PDGFC: variants seen among roughly 807,000 people sequenced by gnomAD.
PDGFC encodes platelet derived growth factor C.
A neutral mutation model predicts 35.5 loss-of-function variants in PDGFC; 12 were observed. That is an observed-to-expected ratio of 0.34 (90% CI 0.22 to 0.55). PDGFC has a LOEUF of 0.55. PDGFC is among the 20% of genes least tolerant of loss of function. The probability of loss-of-function intolerance (pLI) is 0.91; values close to 1 mark genes in which losing one functional copy is unlikely to be tolerated. For synonymous variants in PDGFC, 159 were observed against 148.8 expected (o/e 1.07, Z -0.50); for missense variants, 322 against 412.4 (o/e 0.78, Z 1.90).
chr4:156,801,130 A>G (rs539541925), intron 3 of PDGFC, among the ~76,000 whole-genome samples: 3 of 152,070 alleles, frequency 2.0e-5, no homozygotes, highest in Non-Finnish European at 4.4e-5. Flanking sequence ...ATTTCTGATG[A>G]CCAATAGCTC....
intron 3 of PDGFC, among the ~76,000 whole-genome samples, chr4:156,786,604 T>C (rs1163445571): frequency 4.6e-5 from 7 of 152,174 alleles, no homozygotes; most frequent in African/African-American, 1.2e-4. Context: ...AAGGGGACAC[T>C]GTAGGTCACG....
chr4:156,925,813 G>T (rs564522129), intron 1 of PDGFC, among the ~76,000 whole-genome samples: 1 of 151,376 alleles, frequency 6.6e-6, no homozygotes, highest in Non-Finnish European at 1.5e-5. Context: ...CGCTTTGGGA[G>T]GTCGAGGCGG....
At chr4:156,882,085 C>T (rs765776252) in intron 1 of PDGFC, among the ~76,000 whole-genome samples, 31 of 152,066 alleles carry the variant, frequency 2.0e-4, no homozygotes, top group Non-Finnish European at 3.7e-4. Flanking sequence ...CATGCAAACA[C>T]GCAATAAATT....
intron 1 of PDGFC, among the ~76,000 whole-genome samples, chr4:156,966,093 C>T (rs762980354): frequency 2.0e-5 from 3 of 152,136 alleles, no homozygotes; most frequent in Non-Finnish European, 4.4e-5. Context: ...GGAACTAACA[C>T]TGGTGCATAC....
intron 2 of PDGFC, among the ~76,000 whole-genome samples, chr4:156,824,317 T>C (rs372827866): frequency 0.21 from 19,765 of 92,892 alleles, 2,198 homozygotes; most frequent in South Asian, 0.33. Flanking sequence ...TATATATATA[T>C]ATATATATAT....
At chr4:156,849,388 T>C (rs1249668839) in intron 2 of PDGFC, among the ~76,000 whole-genome samples, 1 of 152,132 alleles carries the variant, frequency 6.6e-6, no homozygotes. Flanking sequence ...CTGAAATATT[T>C]ATCTGTAATA....
intron 1 of PDGFC, among the ~76,000 whole-genome samples, chr4:156,878,875 C>G (rs1002298293): frequency 2.0e-5 from 3 of 152,106 alleles, no homozygotes; most frequent in Non-Finnish European, 4.4e-5. Context: ...TGACTTTTAC[C>G]TAGAAGTAAC....
At position 156,933,725 on chromosome 4, in the gene PDGFC, C is replaced by T. The variant is rs888212326; in HGVS notation, c.118+37061G>A. Among the ~76,000 whole-genome samples the T allele has an allele frequency of 3.3e-5, 5 of 152,224 alleles. No homozygotes were observed. In the South Asian group the frequency reaches 6.2e-4, roughly 19 times the overall value. ...GGGACCTAGTGGGAGGTGACTGGAT[C>T]ATAAGAGCATTTTCCCTCATGTTGT... On this transcript the variant is annotated intron_variant, in intron 1 of 5. Transcript: ENST00000502773.
At chr4:156,793,334 C>A (rs568339013) in intron 3 of PDGFC, among the ~76,000 whole-genome samples, 1 of 151,538 alleles carries the variant, frequency 6.6e-6, no homozygotes, top group African/African-American at 2.4e-5. Context: ...CAGAAAGGGA[C>A]GTAAAATGAC....
intron 1 of PDGFC, among the ~76,000 whole-genome samples, chr4:156,963,638 G>A (rs542917845): frequency 6.6e-6 from 1 of 152,084 alleles, no homozygotes; most frequent in African/African-American, 2.4e-5. Flanking sequence ...AACCGTCCAG[G>A]GAGGAGCCTA....
intron 3 of PDGFC, among the ~76,000 whole-genome samples, chr4:156,778,555 A>G (rs1730887860): frequency 6.6e-6 from 1 of 152,144 alleles, no homozygotes; most frequent in Admixed American, 6.5e-5. Context: ...GCTACCTTAA[A>G]TATTTTCTGC....
At chr4:156,921,009 C>T (rs1731263482) in intron 1 of PDGFC, among the ~76,000 whole-genome samples, 1 of 152,132 alleles carries the variant, frequency 6.6e-6, no homozygotes, top group Admixed American at 6.5e-5. Context: ...GAATGAACCT[C>T]TTGAATGCTA....
chr4:156,949,041 G>A (rs1467712002), intron 1 of PDGFC, among the ~76,000 whole-genome samples: 10 of 151,896 alleles, frequency 6.6e-5, no homozygotes, highest in Non-Finnish European at 1.5e-4. Context: ...TAGCGCAGGA[G>A]AGTGGAAGCC....
At chr4:156,878,656 T>TC (rs961302085) in intron 1 of PDGFC, among the ~76,000 whole-genome samples, 31 of 152,274 alleles carry the variant, frequency 2.0e-4, no homozygotes, top group African/African-American at 7.0e-4. Flanking sequence ...TGCAATATAC[T>TC]CCAATGAGAA....
rs149931440 is a variant in PDGFC at position 156,970,811 on chromosome 4, C to G, written c.93G>C (p.Gln31His). Reference sequence around the variant, plus strand: ...CGTTCTGTTCCTTGTTGCTGGAAAACTGGAATTTACTACTCAGGTTGGATT... The same window carrying G: ...CGTTCTGTTCCTTGTTGCTGGAAAAGTGGAATTTACTACTCAGGTTGGATT... Reference protein sequence around the residue: ...QAESNLSSKFQFSSNKEQNGV... With the variant: ...QAESNLSSKFHFSSNKEQNGV... The change falls in exon 1 of 6, where the codon CAG becomes CAC. Residue 31 changes from glutamine to histidine, a missense_variant. Gln to His is a conservative substitution (Grantham distance 24). Coordinates refer to ENST00000502773, the MANE Select transcript of PDGFC (RefSeq NM_016205.3). 3 of 1,611,792 alleles carry G rather than the reference C, an allele frequency of 1.9e-6. No homozygotes were observed. Among genetic ancestry groups the G allele is most frequent in the African/African-American group, 2.7e-5 (2 of 74,860 alleles).
intron 1 of PDGFC, among the ~76,000 whole-genome samples, chr4:156,897,343 AGAGTGTATGT>A (rs1730656673): frequency 1.9e-5 from 2 of 103,296 alleles, no homozygotes; most frequent in African/African-American, 7.0e-5. Flanking sequence ...AGAGTGTGTG[AGAGTGTATGT>A]GTGTGTGTGT....
intron 2 of PDGFC, among the ~76,000 whole-genome samples, chr4:156,836,548 A>C (rs889743169): frequency 6.6e-6 from 1 of 152,160 alleles, no homozygotes; most frequent in Non-Finnish European, 1.5e-5. Context: ...TCAAAGAATC[A>C]TCCTCCTGAG....
chr4:156,902,872 C>T (rs1009737161), intron 1 of PDGFC, among the ~76,000 whole-genome samples: 1 of 151,970 alleles, frequency 6.6e-6, no homozygotes, highest in African/African-American at 2.4e-5. Flanking sequence ...TTTTTACGTC[C>T]CTGTAAAATT....
intron 3 of PDGFC, among the ~76,000 whole-genome samples, chr4:156,793,551 ATATAT>A (rs1731354604): frequency 6.9e-6 from 1 of 145,216 alleles, no homozygotes; most frequent in African/African-American, 2.5e-5. Flanking sequence ...ATATATATAT[ATATAT>A]ATATATAAAA....
Sources: gnomAD v4.1 joint callset for allele counts (sites outside exome capture counted in the v4.1 genomes callset) on GRCh38, gnomAD v4.1.1 for gene constraint, MANE v1.5 for transcripts, NCBI Gene and HGNC (gene_info 2026-07-23, HGNC 2026-07-21) for gene names.